The following AIM2 variants were observed in gnomAD, a reference collection of about 807,000 sequenced individuals.
The protein encoded by AIM2 is interferon-inducible protein AIM2.
AIM2 carries 30 observed loss-of-function variants against 27.7 expected under a neutral mutation model. That is an observed-to-expected ratio of 1.08 (90% CI 0.81 to 1.47). The LOEUF (loss-of-function observed/expected upper bound fraction) is 1.47. Among genes scored for constraint, AIM2 ranks in the 40% most tolerant of loss-of-function variants. AIM2 has a pLI of 0.00. For missense variants in AIM2, 358 were observed against 411.3 expected, an observed-to-expected ratio of 0.87 and a Z score of 1.12; for synonymous variants, 141 against 145.3, an observed-to-expected ratio of 0.97 and a Z score of 0.21.
At chr1:159,126,067 CA>C (rs1647676146) in intron 1 of AIM2, among the ~76,000 whole-genome samples, 2 of 152,200 alleles carry the variant, frequency 1.3e-5, no homozygotes. Flanking sequence ...AAGCTGTGTG[CA>C]AAGGAATGTT....
At chr1:159,122,083 GC>G (rs1194755914) in intron 1 of AIM2, among the ~76,000 whole-genome samples, 1 of 152,162 alleles carries the variant, frequency 6.6e-6, no homozygotes, top group East Asian at 1.9e-4. Context: ...TACAGATCAA[GC>G]AAAAAGGCCA....
intron 3 of AIM2, among the ~76,000 whole-genome samples, chr1:159,066,697 C>T (rs892278516): frequency 6.6e-6 from 1 of 152,158 alleles, no homozygotes; most frequent in South Asian, 2.1e-4. Flanking sequence ...CAATTCCATT[C>T]GGGCATGTGT....
chr1:159,081,565 A>C (rs1026563975), upstream of AIM2: 1 of 492,356 alleles, frequency 2.0e-6, no homozygotes, highest in Admixed American at 2.2e-5. Flanking sequence ...CAGGCTCTTG[A>C]GTATTGATTT....
chr1:159,055,504 T>C, the AIM2 span, among the ~76,000 whole-genome samples: 1 of 152,242 alleles, frequency 6.6e-6, no homozygotes, highest in Non-Finnish European at 1.5e-5. Flanking sequence ...GTGATGTGCA[T>C]GAAGGCACTT....
chr1:159,096,370 G>T (rs1430639031), intron 1 of AIM2, among the ~76,000 whole-genome samples: 1 of 151,724 alleles, frequency 6.6e-6, no homozygotes. Flanking sequence ...GTTGTGAAAA[G>T]AAACAGGATA....
At chr1:159,104,580 T>C (rs1657387610) in intron 1 of AIM2, among the ~76,000 whole-genome samples, 1 of 152,224 alleles carries the variant, frequency 6.6e-6, no homozygotes, top group Non-Finnish European at 1.5e-5. Context: ...TTCAAAGACT[T>C]AATACAAAAA....
chr1:159,074,204 A>G (rs1656495567), intron 1 of AIM2, among the ~76,000 whole-genome samples: 2 of 152,186 alleles, frequency 1.3e-5, no homozygotes. Flanking sequence ...AGTGCAATTA[A>G]TCAATCTGTT....
At chr1:159,067,433 G>A (rs1054158752) in intron 3 of AIM2, among the ~76,000 whole-genome samples, 2 of 152,192 alleles carry the variant, frequency 1.3e-5, no homozygotes, top group African/African-American at 4.8e-5. Context: ...AAAGCCAAGC[G>A]TAGGAGTCTC....
upstream of AIM2, among the ~76,000 whole-genome samples, chr1:159,140,801 C>G (rs534271117): frequency 6.6e-6 from 1 of 152,116 alleles, no homozygotes; most frequent in South Asian, 2.1e-4. Flanking sequence ...AAAATGAACG[C>G]GGGAGGAGAG....
At chr1:159,089,079 A>G (rs1656988885) in intron 1 of AIM2, among the ~76,000 whole-genome samples, 1 of 152,192 alleles carries the variant, frequency 6.6e-6, no homozygotes, top group Non-Finnish European at 1.5e-5. Flanking sequence ...GAAAACACTG[A>G]CGAATTTCTT....
At chr1:159,127,338 G>A (rs2518571) in intron 1 of AIM2, among the ~76,000 whole-genome samples, 2 of 152,136 alleles carry the variant, frequency 1.3e-5, no homozygotes, top group Admixed American at 6.5e-5. Flanking sequence ...CCTTAGGGTC[G>A]CCTCTGCTCT....
intron 2 of AIM2, among the ~76,000 whole-genome samples, chr1:159,072,287 T>C (rs1656393834): frequency 6.6e-6 from 1 of 152,268 alleles, no homozygotes; most frequent in Non-Finnish European, 1.5e-5. Flanking sequence ...CTGTATAGAA[T>C]TATGAATGTA....
intron 1 of AIM2, among the ~76,000 whole-genome samples, chr1:159,110,485 C>T (rs1478880272): frequency 6.6e-6 from 1 of 152,100 alleles, no homozygotes; most frequent in Admixed American, 6.5e-5. Context: ...TTCTATGTTC[C>T]TTTAGACCCT....
upstream of AIM2, among the ~76,000 whole-genome samples, chr1:159,080,578 G>A (rs1044922197): frequency 2.6e-5 from 4 of 152,104 alleles, no homozygotes; most frequent in African/African-American, 7.2e-5. Context: ...CCAAACTTTA[G>A]CATGCATTAG....
chr1:159,130,935 T>C (rs984376163), intron 1 of AIM2, among the ~76,000 whole-genome samples: 1 of 152,106 alleles, frequency 6.6e-6, no homozygotes, highest in African/African-American at 2.4e-5. Flanking sequence ...CTCCACAATC[T>C]GGCTCTCGGC....
intron 1 of AIM2, among the ~76,000 whole-genome samples, chr1:159,115,711 C>G: frequency 6.6e-6 from 1 of 152,178 alleles, no homozygotes; most frequent in East Asian, 1.9e-4. Context: ...AAATGTTAGA[C>G]CTAAAACCAT....
At chr1:159,056,800 A>G in the AIM2 span, among the ~76,000 whole-genome samples, 1 of 147,208 alleles carries the variant, frequency 6.8e-6, no homozygotes, top group Non-Finnish European at 1.5e-5. Flanking sequence ...CCTGAGCCCA[A>G]TCCTAAGCTG....
intron 1 of AIM2, among the ~76,000 whole-genome samples, chr1:159,083,860 C>G (rs16841659): frequency 0.036 from 5,414 of 152,242 alleles, 228 homozygotes; most frequent in African/African-American, 0.097. Context: ...TGTGGAAATA[C>G]AAAAAGTGGA....
chr1:159,139,455 C>G (rs1648070435), intron 1 of AIM2, among the ~76,000 whole-genome samples: 1 of 152,166 alleles, frequency 6.6e-6, no homozygotes. Flanking sequence ...AACATAGCCT[C>G]TATATTTGCA....
Sources: gnomAD v4.1 joint callset for allele counts (sites outside exome capture counted in the v4.1 genomes callset) on GRCh38, gnomAD v4.1.1 for gene constraint, MANE v1.5 for transcripts, NCBI Gene and HGNC (gene_info 2026-07-23, HGNC 2026-07-21) for gene names.